Variants in CCNT1 observed in about 807,000 individuals in gnomAD.
CCNT1 encodes cyclin-T1.
In CCNT1, 18 loss-of-function variants were observed where a neutral mutation model predicts 67.3. That is an observed-to-expected ratio of 0.27 (90% CI 0.18 to 0.40). The LOEUF (loss-of-function observed/expected upper bound fraction) is 0.40, where lower values mean the gene tolerates loss of function less well. Ranked by LOEUF, CCNT1 falls within the 10% of genes least tolerant of loss-of-function variation. CCNT1 has a pLI of 1.00. For missense variants in CCNT1, 744 were observed against 884.9 expected, an observed-to-expected ratio of 0.84 and a Z score of 2.02; for synonymous variants, 333 against 310.3, an observed-to-expected ratio of 1.07 and a Z score of -0.77.
rs1160135488 is a variant in CCNT1, at chr12:48,690,686, T to A, written c.*2347A>T. 6.6e-6 allele frequency: 1 copy of A among 152,184 alleles called. No individual in the cohort carries two copies. The highest frequency in any genetic ancestry group is 1.5e-5 in the Non-Finnish European group (1 of 68,020). 9.4% of individuals were successfully genotyped at this position (152,184 alleles called of 1,614,324 possible). The stretch of plus-strand genomic sequence containing the variant: ...GCACAAAGCAACTCTTAGGCCCTAG[T>A]AAGCACTTTTTTCTAGTTCACTCCT... On this transcript the variant is annotated 3_prime_UTR_variant, in exon 9 of 9. Transcript: ENST00000261900.
intron 3 of CCNT1, among the ~76,000 whole-genome samples, chr12:48,701,960 G>A (rs530583989): frequency 7.4e-5 from 11 of 148,282 alleles, no homozygotes; most frequent in Admixed American, 1.3e-4. Context: ...GCAGTGGCGC[G>A]ACCTCGCCTC....
rs777064182 is a variant in CCNT1, at chr12:48,696,051, C to T, written c.654G>A (p.Gly218=). 3.7e-6 allele frequency: 6 copies of T among 1,614,042 alleles called. No individual in the cohort carries two copies. The highest frequency in any genetic ancestry group is 5.1e-6 in the Non-Finnish European group (6 of 1,180,018). The part of the protein sequence containing the change: ...SNWEIPVSTD[G]KHWWEYVDAT... Reference sequence around the variant, plus strand: ...CGTCAACATACTCCCACCAGTGCTTCCCGTCAGTTGAGACTGGGATCTCCC... The same window carrying T: ...CGTCAACATACTCCCACCAGTGCTTTCCGTCAGTTGAGACTGGGATCTCCC... The change falls in exon 7 of 9, where the codon GGG becomes GGA. Residue 218 remains glycine, a synonymous_variant. Coordinates refer to ENST00000261900, the MANE Select transcript of CCNT1 (RefSeq NM_001240.4).
rs543902005 is a variant in CCNT1, at chr12:48,694,823, T to TTTTG, written c.778-391_778-388dup. Among the ~76,000 whole-genome samples, 199 of 151,982 alleles carry TTTTG rather than the reference T, an allele frequency of 1.3e-3. 3 individuals carry two copies. Among genetic ancestry groups the TTTTG allele is most frequent in the African/African-American group, 3.1e-3 (128 of 41,448 alleles). Reference sequence around the variant, plus strand: ...CTTCTTTTTTGTTGTTACTGTTGTTTTTTGTTTGTTTGTTTGTTTGAGACA... The same window carrying TTTTG: ...CTTCTTTTTTGTTGTTACTGTTGTTTTTTGTTTGTTTGTTTGTTTGTTTGAGACA... On this transcript the variant is annotated intron_variant, in intron 8 of 8. Transcript: ENST00000261900.
At position 48,693,894 on chromosome 12, in the gene CCNT1, G is replaced by C; in HGVS notation, c.1320C>G (p.Pro440=). Residue 440 remains proline, a synonymous_variant, in exon 9 of 9, where the codon CCC becomes CCG. Transcript: ENST00000261900. Reference sequence around the variant, plus strand: ...GCTCGGGGTTTTCTGAACCCTCTATGGGCATTTTTAGAATGACTGAAGAAT... The same window carrying C: ...GCTCGGGGTTTTCTGAACCCTCTATCGGCATTTTTAGAATGACTGAAGAAT... ...DSHSSVILKM[P]IEGSENPERP... The C allele has an allele frequency of 6.2e-7, 1 of 1,614,040 alleles. No individual in the cohort carries two copies.
At chr12:48,696,949 C>T (rs1940178538) in intron 6 of CCNT1, among the ~76,000 whole-genome samples, 1 of 152,148 alleles carries the variant, frequency 6.6e-6, no homozygotes, top group South Asian at 2.1e-4. Context: ...TCTCGTGCCT[C>T]AGCCTCCCGA....
chr12:48,713,956 T>C (rs921331165), intron 2 of CCNT1, among the ~76,000 whole-genome samples: 10 of 152,152 alleles, frequency 6.6e-5, no homozygotes, highest in Non-Finnish European at 1.5e-5. Flanking sequence ...GTGAAGCGAC[T>C]CAATCTTGGC....
intron 1 of CCNT1, among the ~76,000 whole-genome samples, chr12:48,716,146 G>T (rs1260087322): frequency 6.6e-6 from 1 of 152,200 alleles, no homozygotes; most frequent in Non-Finnish European, 1.5e-5. Flanking sequence ...GGAGGCAGCC[G>T]TCAACAGAGA....
intron 7 of CCNT1, 45 bp from the exon 8 acceptor site, chr12:48,695,874 A>T: frequency 6.5e-7 from 1 of 1,534,916 alleles, no homozygotes; most frequent in Non-Finnish European, 9.0e-7. Context: ...GAGAAACAGA[A>T]GTAATGAAAC....
intron 2 of CCNT1, among the ~76,000 whole-genome samples, chr12:48,707,636 T>G (rs1228833636): frequency 1.4e-5 from 2 of 147,330 alleles, no homozygotes; most frequent in Non-Finnish European, 2.9e-5. Flanking sequence ...TAAGAAATGT[T>G]TATGATAAAT....
At chr12:48,696,957 C>T (rs755755121) in intron 6 of CCNT1, among the ~76,000 whole-genome samples, 2 of 152,080 alleles carry the variant, frequency 1.3e-5, no homozygotes, top group Admixed American at 6.6e-5. Context: ...CTCAGCCTCC[C>T]GAGTAGCTGG....
In CCNT1 at chr12:48,714,433, T is replaced by A. The variant is rs1280703901; in HGVS notation, c.243+10A>T. 4 of 1,539,272 alleles carry A rather than the reference T, an allele frequency of 2.6e-6. No homozygotes were observed. In the African/African-American group the frequency reaches 5.5e-5, roughly 21 times the overall value. ...AAAAGGATTATATCATATAAAAAAA[T>A]TATACTTACATTTCCAGGGAACTGT... On this transcript the variant is annotated intron_variant, in intron 2 of 8. Coordinates refer to ENST00000261900, the MANE Select transcript of CCNT1 (RefSeq NM_001240.4).
rs536658955 is a variant in CCNT1, at chr12:48,713,190, T to A, written c.243+1253A>T. ...TTTATTCTTCCTGTTCTTTGTAAAA[T>A]TTTTTTTACCTTTTTTTTTTTTTTT... On this transcript the variant is annotated intron_variant, in intron 2 of 8. Transcript: ENST00000261900. Among the ~76,000 whole-genome samples, 184 of 139,060 alleles carry A rather than the reference T, an allele frequency of 1.3e-3. 1 individual carries two copies. The Middle Eastern group carries it at 0.019, about 14-fold the overall frequency. 91.2% of individuals were successfully genotyped at this position (139,060 alleles called of 152,430 possible).
intron 1 of CCNT1, among the ~76,000 whole-genome samples, chr12:48,715,804 A>G (rs1012099274): frequency 2.6e-5 from 4 of 152,174 alleles, no homozygotes; most frequent in South Asian, 4.1e-4. Flanking sequence ...CATCACTCTA[A>G]GTAAGTTAAG....
chr12:48,693,438 G>C lies in CCNT1; in HGVS notation c.1776C>G (p.Ala592=), dbSNP rs976829739. Residue 592 remains alanine (A), a synonymous_variant, in exon 9 of 9, where the codon GCC becomes GCG. Coordinates refer to ENST00000261900, the MANE Select transcript of CCNT1 (RefSeq NM_001240.4). The stretch of plus-strand genomic sequence containing the variant: ...TTAGGGAAGAGGATTTAGTACTCTT[G>C]GCAATCTTGGCTGGATGATCAAACA... The part of the protein sequence containing the change: ...GAVFDHPAKI[A]KSTKSSSLNF... 8.1e-6 allele frequency: 13 copies of C among 1,614,086 alleles called. No homozygotes were observed. In the East Asian group the frequency reaches 2.9e-4, roughly 36 times the overall value.
chr12:48,703,574 GA>G lies in CCNT1; in HGVS notation c.372+2193del, dbSNP rs200440108. Among the ~76,000 whole-genome samples, 888 of 144,930 alleles carry G rather than the reference GA, an allele frequency of 6.1e-3. 7 individuals carry two copies. The highest frequency in any genetic ancestry group is 0.02 in the African/African-American group (799 of 39,158). ...GGCAACAAGAGCAAAACTCCAACTC[GA>G]AAAAAAAGTTAAAAAAAAAAAAAAT... On this transcript the variant is annotated intron_variant, in intron 3 of 8. Transcript: ENST00000261900.
intron 2 of CCNT1, among the ~76,000 whole-genome samples, chr12:48,712,586 AAAAAAAAAT>A (rs1240933817): frequency 0.011 from 472 of 43,384 alleles, 16 homozygotes; most frequent in Middle Eastern, 0.034. Flanking sequence ...CCTTAAAAAA[AAAAAAAAAT>A]AAAAAAAAAA....
intron 1 of CCNT1, among the ~76,000 whole-genome samples, chr12:48,715,724 A>T (rs1056317594): frequency 6.6e-5 from 10 of 152,112 alleles, no homozygotes; most frequent in African/African-American, 2.4e-4. Context: ...CGGCCTCCCA[A>T]AGTGCAGAGA....
intron 3 of CCNT1, among the ~76,000 whole-genome samples, chr12:48,703,451 T>C (rs1162044741): frequency 6.6e-6 from 1 of 152,004 alleles, no homozygotes; most frequent in Non-Finnish European, 1.5e-5. Context: ...CACATGCCTG[T>C]AATCCCAGCT....
chr12:48,715,655 G>A (rs1940522225), intron 1 of CCNT1, among the ~76,000 whole-genome samples: 1 of 151,962 alleles, frequency 6.6e-6, no homozygotes, highest in Non-Finnish European at 1.5e-5. Context: ...AGAGACAGGG[G>A]TTTAATCATG....
Sources: allele counts gnomAD v4.1 joint callset (sites outside exome capture counted in the v4.1 genomes callset), GRCh38; gene constraint gnomAD v4.1.1; transcripts MANE v1.5; gene names NCBI Gene and HGNC (gene_info 2026-07-23, HGNC 2026-07-21).